SGCZ: variants seen among roughly 807,000 people sequenced by gnomAD.
SGCZ encodes zeta-sarcoglycan.
SGCZ carries 40 observed loss-of-function variants against 41.3 expected under a neutral mutation model. The observed-to-expected ratio is 0.97, with a 90% confidence interval of 0.75 to 1.26. SGCZ has a LOEUF of 1.26. Ranked by LOEUF, SGCZ falls within the 50% of genes most tolerant of loss-of-function variation. SGCZ has a pLI of 0.00. For missense variants in SGCZ, 552 were observed against 369.8 expected, an observed-to-expected ratio of 1.49 and a Z score of -4.04; for synonymous variants, 206 against 137.5, an observed-to-expected ratio of 1.50 and a Z score of -3.49.
chr8:15,126,929 G>C (rs1023766275), intron 1 of SGCZ, among the ~76,000 whole-genome samples: 1 of 152,172 alleles, frequency 6.6e-6, no homozygotes, highest in Non-Finnish European at 1.5e-5. Context: ...CCAGAGAGTA[G>C]ACTGTGCTCA....
intron 2 of SGCZ, among the ~76,000 whole-genome samples, chr8:14,418,828 T>C (rs11782022): frequency 0.48 from 72,085 of 151,756 alleles, 18,541 homozygotes; most frequent in Non-Finnish European, 0.58. Flanking sequence ...CCAAAATGTA[T>C]TAAAAATAGA....
chr8:15,143,723 T>C (rs1353785391), intron 1 of SGCZ, among the ~76,000 whole-genome samples: 2 of 152,226 alleles, frequency 1.3e-5, no homozygotes, highest in African/African-American at 4.8e-5. Context: ...CCTTATAATT[T>C]AGTTATTGTA....
At chr8:15,119,882 G>C (rs555870229) in intron 1 of SGCZ, among the ~76,000 whole-genome samples, 1 of 152,058 alleles carries the variant, frequency 6.6e-6, no homozygotes, top group African/African-American at 2.4e-5. Flanking sequence ...CGATCATAAC[G>C]CATTGTGGCC....
At chr8:14,751,949 AC>A (rs1799511356) in intron 1 of SGCZ, among the ~76,000 whole-genome samples, 3 of 139,202 alleles carry the variant, frequency 2.2e-5, no homozygotes, top group African/African-American at 8.1e-5. Context: ...ACAAAAACAA[AC>A]AAAAAAAAAA....
At chr8:14,545,209 T>C (rs1323645295) in intron 2 of SGCZ, among the ~76,000 whole-genome samples, 2 of 152,128 alleles carry the variant, frequency 1.3e-5, no homozygotes, top group African/African-American at 4.8e-5. Context: ...AATTTAATTT[T>C]CATAAATGGT....
intron 1 of SGCZ, among the ~76,000 whole-genome samples, chr8:14,806,795 C>G (rs1801544939): frequency 6.6e-6 from 1 of 152,002 alleles, no homozygotes; most frequent in Non-Finnish European, 1.5e-5. Context: ...GAATTTTAGA[C>G]CAATATCCTT....
chr8:15,157,987 AC>A (rs1277650824), intron 1 of SGCZ, among the ~76,000 whole-genome samples: 1 of 152,004 alleles, frequency 6.6e-6, no homozygotes, highest in Non-Finnish European at 1.5e-5. Context: ...AACTGTCCTC[AC>A]TTTTGTTTTG....
rs1801624517 is a variant in SGCZ, at chr8:14,089,606, C to T, written c.*837G>A. On this transcript the variant is annotated 3_prime_UTR_variant, in exon 8 of 8. Coordinates refer to ENST00000382080, the MANE Select transcript of SGCZ (RefSeq NM_139167.4). ...TAAAAATCATCTATGGATTTAATAC[C>T]ATCAACATATCCTTCTTAATCCTGT... Among the ~76,000 whole-genome samples, 1 of 151,794 alleles carries T rather than the reference C, an allele frequency of 6.6e-6. No individual in the cohort carries two copies. Among genetic ancestry groups the T allele is most frequent in the South Asian group, 2.1e-4 (1 of 4,810 alleles).
chr8:14,591,882 A>G (rs1291766825), intron 1 of SGCZ, among the ~76,000 whole-genome samples: 2 of 152,102 alleles, frequency 1.3e-5, no homozygotes, highest in East Asian at 3.9e-4. Flanking sequence ...TTTCCTGCTA[A>G]GTCCATACAA....
chr8:14,599,409 C>G (rs1381967443), intron 1 of SGCZ, among the ~76,000 whole-genome samples: 3 of 152,180 alleles, frequency 2.0e-5, no homozygotes, highest in Non-Finnish European at 4.4e-5. Flanking sequence ...CACATACATT[C>G]TCAGGTAAAT....
intron 2 of SGCZ, among the ~76,000 whole-genome samples, chr8:14,386,786 A>G (rs1472206855): frequency 2.0e-5 from 3 of 152,216 alleles, no homozygotes; most frequent in Non-Finnish European, 2.9e-5. Context: ...ATGCCTATAC[A>G]TGCAAGACAG....
intron 1 of SGCZ, among the ~76,000 whole-genome samples, chr8:14,573,592 T>C (rs1293328052): frequency 3.9e-5 from 6 of 152,170 alleles, no homozygotes; most frequent in Admixed American, 3.9e-4. Flanking sequence ...ATCTTTCTAC[T>C]TGGATTATAA....
intron 1 of SGCZ, among the ~76,000 whole-genome samples, chr8:14,839,725 C>G (rs530015263): frequency 2.0e-5 from 3 of 152,104 alleles, no homozygotes; most frequent in South Asian, 2.1e-4. Flanking sequence ...TGAAAGTTAT[C>G]TTTTGGCTTA....
At chr8:14,323,147 T>A (rs1431275643) in intron 3 of SGCZ, among the ~76,000 whole-genome samples, 2 of 152,090 alleles carry the variant, frequency 1.3e-5, no homozygotes, top group African/African-American at 4.8e-5. Context: ...AAAGTTAATA[T>A]CCTAATTAAA....
At chr8:14,167,675 A>G (rs1804249933) in intron 4 of SGCZ, among the ~76,000 whole-genome samples, 1 of 152,188 alleles carries the variant, frequency 6.6e-6, no homozygotes, top group African/African-American at 2.4e-5. Flanking sequence ...TATTTTCTCT[A>G]CTTTTTTAAA....
chr8:14,578,047 T>C (rs1804769975), intron 1 of SGCZ, among the ~76,000 whole-genome samples: 1 of 152,226 alleles, frequency 6.6e-6, no homozygotes, highest in African/African-American at 2.4e-5. Context: ...TTCACAATCC[T>C]TGTGCACCAT....
chr8:14,364,746 T>A (rs1305459393), intron 2 of SGCZ, among the ~76,000 whole-genome samples: 2 of 152,132 alleles, frequency 1.3e-5, no homozygotes, highest in African/African-American at 4.8e-5. Context: ...TCTTGGTATA[T>A]TTTAGTTTAT....
intron 1 of SGCZ, among the ~76,000 whole-genome samples, chr8:14,671,770 TAAC>T (rs1006382186): frequency 6.6e-6 from 1 of 152,052 alleles, no homozygotes; most frequent in Non-Finnish European, 1.5e-5. Flanking sequence ...CAAAAACAAA[TAAC>T]AAACAAAACA....
chr8:14,680,963 GGAAA>G (rs1463676296), intron 1 of SGCZ, among the ~76,000 whole-genome samples: 2,462 of 106,196 alleles, frequency 0.023, 101 homozygotes, highest in African/African-American at 0.063. Flanking sequence ...AAAAAGAGTG[GGAAA>G]AAAAAAAAAA....
Sources: allele counts gnomAD v4.1 joint callset (sites outside exome capture counted in the v4.1 genomes callset), GRCh38; gene constraint gnomAD v4.1.1; transcripts MANE v1.5; gene names NCBI Gene and HGNC (gene_info 2026-07-23, HGNC 2026-07-21).